Variants in C12orf42 observed in about 807,000 individuals in gnomAD.
The protein encoded by C12orf42 is uncharacterized protein C12orf42.
Under a neutral mutation model 21.6 loss-of-function variants are expected in C12orf42, and 25 were observed. The ratio of observed to expected loss-of-function variants is 1.16; its 90% CI spans 0.84 to 1.62. The LOEUF is 1.62. Among genes scored for constraint, C12orf42 ranks in the 40% most tolerant of loss-of-function variants. C12orf42 has a pLI of 0.00. For missense variants in C12orf42, 483 were observed against 459.3 expected, an observed-to-expected ratio of 1.05 and a Z score of -0.47; for synonymous variants, 174 against 175.0, an observed-to-expected ratio of 0.99 and a Z score of 0.05.
the C12orf42 span, among the ~76,000 whole-genome samples, chr12:103,539,627 T>A: frequency 6.6e-6 from 1 of 152,112 alleles, no homozygotes; most frequent in Non-Finnish European, 1.5e-5. Flanking sequence ...TCACCAGGGC[T>A]GGAGTGCAGT....
intron 3 of C12orf42, among the ~76,000 whole-genome samples, chr12:103,379,888 T>G (rs2046017604): frequency 6.6e-6 from 1 of 152,214 alleles, no homozygotes; most frequent in Non-Finnish European, 1.5e-5. Context: ...TGGGTAGCAT[T>G]GTTCGAGCAC....
intron 2 of C12orf42, among the ~76,000 whole-genome samples, chr12:103,450,028 G>T: frequency 6.6e-6 from 1 of 150,972 alleles, no homozygotes; most frequent in African/African-American, 2.4e-5. Context: ...TTGTATTATT[G>T]AATTTTCTGT....
chr12:103,130,458 C>T, the C12orf42 span, among the ~76,000 whole-genome samples: 1 of 151,930 alleles, frequency 6.6e-6, no homozygotes, highest in Admixed American at 6.6e-5. Flanking sequence ...TTCATTTGAT[C>T]CTTACAACAG....
At chr12:103,537,866 AAT>A in the C12orf42 span, among the ~76,000 whole-genome samples, 1 of 152,348 alleles carries the variant, frequency 6.6e-6, no homozygotes, top group Admixed American at 6.5e-5. Flanking sequence ...AGAAAAAGAT[AAT>A]GGATTTCCGG....
the C12orf42 span, among the ~76,000 whole-genome samples, chr12:103,147,275 A>G: frequency 5.9e-5 from 9 of 152,076 alleles, no homozygotes; most frequent in African/African-American, 2.2e-4. Flanking sequence ...TTTTCCCCTT[A>G]TTTTGGCTTC....
At chr12:103,122,791 ACTTTGT>A in the C12orf42 span, among the ~76,000 whole-genome samples, 1 of 152,020 alleles carries the variant, frequency 6.6e-6, no homozygotes, top group Non-Finnish European at 1.5e-5. Context: ...CAATATAGGG[ACTTTGT>A]CTTTTTACTA....
At chr12:103,406,336 C>A (rs929148052) in intron 2 of C12orf42, among the ~76,000 whole-genome samples, 1 of 152,146 alleles carries the variant, frequency 6.6e-6, no homozygotes, top group Non-Finnish European at 1.5e-5. Context: ...TAGATAGCTG[C>A]TTTCAAGAGG....
At chr12:103,096,706 A>C in the C12orf42 span, among the ~76,000 whole-genome samples, 1 of 152,230 alleles carries the variant, frequency 6.6e-6, no homozygotes, top group African/African-American at 2.4e-5. Flanking sequence ...CTTTCAAAAC[A>C]TAAGGAAGCT....
the C12orf42 span, among the ~76,000 whole-genome samples, chr12:103,527,895 A>G: frequency 2.0e-5 from 3 of 152,246 alleles, no homozygotes; most frequent in Non-Finnish European, 4.4e-5. Context: ...AATTTATACA[A>G]TGAAGGCATG....
intron 4 of C12orf42, among the ~76,000 whole-genome samples, chr12:103,363,261 A>T (rs1439284180): frequency 2.0e-5 from 3 of 152,116 alleles, no homozygotes; most frequent in African/African-American, 7.2e-5. Flanking sequence ...CTTCATAAAT[A>T]AAGGAAAGAT....
the C12orf42 span, among the ~76,000 whole-genome samples, chr12:103,203,817 C>T: frequency 6.6e-6 from 1 of 152,062 alleles, no homozygotes; most frequent in Non-Finnish European, 1.5e-5. Context: ...TGTAACCAAA[C>T]GTCTACTGAA....
At chr12:103,208,236 C>T in the C12orf42 span, among the ~76,000 whole-genome samples, 2 of 152,156 alleles carry the variant, frequency 1.3e-5, no homozygotes, top group Admixed American at 6.5e-5. Flanking sequence ...GAGGGGCTGG[C>T]CCATTGAAGA....
the C12orf42 span, among the ~76,000 whole-genome samples, chr12:103,137,833 G>A: frequency 6.6e-5 from 10 of 152,128 alleles, no homozygotes; most frequent in African/African-American, 1.2e-4. Flanking sequence ...TCTCTTGGAG[G>A]TAGAGAGTAG....
At chr12:103,253,485 G>A (rs1373985576) in intron 10 of C12orf42, among the ~76,000 whole-genome samples, 1 of 152,068 alleles carries the variant, frequency 6.6e-6, no homozygotes. Context: ...ATTTCCTTGA[G>A]CAGAGGTTTG....
intron 4 of C12orf42, among the ~76,000 whole-genome samples, chr12:103,345,617 A>G (rs938056911): frequency 2.6e-5 from 4 of 152,228 alleles, no homozygotes; most frequent in African/African-American, 9.6e-5. Flanking sequence ...TAGCCAGAGC[A>G]ATAGTTCATT....
the C12orf42 span, among the ~76,000 whole-genome samples, chr12:103,133,578 A>G: frequency 6.6e-6 from 1 of 152,176 alleles, no homozygotes; most frequent in African/African-American, 2.4e-5. Context: ...GAAAAAACAA[A>G]ACAAACAAAC....
At chr12:103,115,016 A>G in the C12orf42 span, among the ~76,000 whole-genome samples, 1 of 152,254 alleles carries the variant, frequency 6.6e-6, no homozygotes, top group Non-Finnish European at 1.5e-5. Flanking sequence ...CCAATTGTAC[A>G]CTGAACTTCA....
chr12:103,557,317 A>G, the C12orf42 span: 5 of 152,206 alleles, frequency 3.3e-5, no homozygotes, highest in Admixed American at 6.5e-5. Context: ...GAGTGTTCAC[A>G]TGTGCAATTA....
chr12:103,411,115 C>T (rs752528991), intron 2 of C12orf42, among the ~76,000 whole-genome samples: 4 of 152,180 alleles, frequency 2.6e-5, no homozygotes, highest in Non-Finnish European at 4.4e-5. Context: ...TCCATCCTCC[C>T]TTGTCCATGC....
Sources: gnomAD v4.1 joint callset for allele counts (sites outside exome capture counted in the v4.1 genomes callset) on GRCh38, gnomAD v4.1.1 for gene constraint, MANE v1.5 for transcripts, NCBI Gene and HGNC (gene_info 2026-07-23, HGNC 2026-07-21) for gene names.